ANK3: variants seen among roughly 807,000 people sequenced by gnomAD.
The protein encoded by ANK3 is ankyrin 3.
A neutral mutation model predicts 370.9 loss-of-function variants in ANK3; 57 were observed. The observed-to-expected ratio is 0.15, with a 90% CI of 0.12 to 0.19. The LOEUF (loss-of-function observed/expected upper bound fraction) is 0.19. ANK3 is among the 10% of genes least tolerant of loss of function. The pLI is 1.00. For synonymous variants in ANK3, 1,929 were observed against 1,946.3 expected (o/e 0.99, Z 0.23); for missense variants, 4,439 against 5,302.1 (o/e 0.84, Z 5.06).
intron 2 of ANK3, among the ~76,000 whole-genome samples, chr10:60,590,740 C>T (rs1480254320): frequency 1.3e-5 from 2 of 152,194 alleles, no homozygotes; most frequent in African/African-American, 4.8e-5. Context: ...CGCATATAAC[C>T]TACTCACATG....
intron 1 of ANK3, among the ~76,000 whole-genome samples, chr10:60,340,085 T>C (rs1727581584): frequency 6.6e-6 from 1 of 152,184 alleles, no homozygotes; most frequent in Non-Finnish European, 1.5e-5. Flanking sequence ...AAGAGGTACT[T>C]TTTAAAATTT....
At chr10:60,655,969 C>T (rs1176171602) in intron 1 of ANK3, among the ~76,000 whole-genome samples, 1 of 152,148 alleles carries the variant, frequency 6.6e-6, no homozygotes, top group Non-Finnish European at 1.5e-5. Context: ...CAGGCTATAC[C>T]ATACAGCCTA....
chr10:60,300,431 GC>G, intron 1 of ANK3: 1 of 1,288,824 alleles, frequency 7.8e-7, no homozygotes, highest in Non-Finnish European at 1.0e-6. Context: ...AAAAATATCT[GC>G]CTTCGGAAAT....
chr10:60,356,729 G>T (rs2057803451), intron 1 of ANK3, among the ~76,000 whole-genome samples: 1 of 152,164 alleles, frequency 6.6e-6, no homozygotes, highest in Admixed American at 6.5e-5. Flanking sequence ...ATTTCCTTGA[G>T]ATGGAGTCTC....
intron 28 of ANK3, among the ~76,000 whole-genome samples, chr10:60,100,290 G>C (rs4948386): frequency 0.99 from 132,486 of 134,088 alleles, 65,460 homozygotes; most frequent in Middle Eastern, 1. Context: ...TGGTTAAATT[G>C]TATTTTTATT....
intron 1 of ANK3, among the ~76,000 whole-genome samples, chr10:60,292,868 C>A (rs11813578): frequency 0.03 from 4,516 of 151,986 alleles, 180 homozygotes; most frequent in African/African-American, 0.091. Context: ...CAACCACGCC[C>A]GACTAATTTT....
chr10:60,425,609 C>T (rs1353283742), intron 2 of ANK3, among the ~76,000 whole-genome samples: 2 of 152,104 alleles, frequency 1.3e-5, no homozygotes, highest in African/African-American at 2.4e-5. Flanking sequence ...CCTGATGATA[C>T]AGCCATAATC....
intron 1 of ANK3, among the ~76,000 whole-genome samples, chr10:60,709,727 C>A (rs2133427737): frequency 6.6e-6 from 1 of 151,308 alleles, no homozygotes; most frequent in African/African-American, 2.4e-5. Flanking sequence ...ACTCAGGAGG[C>A]TGAGATGGGA....
chr10:60,173,151 A>AT lies in ANK3; in HGVS notation c.2219dup (p.Tyr740Ter). The AT allele has an allele frequency of 6.2e-7, 1 of 1,614,124 alleles. No homozygotes were observed. The highest frequency in any genetic ancestry group is 8.5e-7 in the Non-Finnish European group (1 of 1,179,980). Residue 740 changes from tyrosine (Y) to a stop codon, truncating the protein, a stop_gained and frameshift_variant, in exon 19 of 44, where the codon TAT becomes TAAT. Coordinates refer to ENST00000280772, the MANE Select transcript of ANK3 (RefSeq NM_020987.5). ...GGAAATTAACAATCTTGATATTTCC[A>AT]TAGTGGCAGCCCACATGCAGTGGTG... ...GYTPLHVGCH[Y>*]GNIKIVNFLL...
At chr10:60,244,181 A>G (rs2097519001) in intron 7 of ANK3, among the ~76,000 whole-genome samples, 1 of 152,216 alleles carries the variant, frequency 6.6e-6, no homozygotes, top group South Asian at 2.1e-4. Flanking sequence ...AACTGCCCAA[A>G]GTGAAATCAG....
intron 7 of ANK3, among the ~76,000 whole-genome samples, chr10:60,249,091 A>G (rs2097602267): frequency 6.6e-6 from 1 of 152,202 alleles, no homozygotes; most frequent in South Asian, 2.1e-4. Context: ...AGCTCAATCA[A>G]AAGTAGCCTG....
intron 1 of ANK3, among the ~76,000 whole-genome samples, chr10:60,294,667 T>G (rs1051134345): frequency 2.6e-5 from 4 of 152,144 alleles, no homozygotes; most frequent in Admixed American, 2.6e-4. Context: ...AAGTTCTTAT[T>G]TGAATGTATA....
intron 1 of ANK3, among the ~76,000 whole-genome samples, chr10:60,308,556 G>A (rs555177485): frequency 3.9e-5 from 6 of 152,216 alleles, no homozygotes; most frequent in South Asian, 4.1e-4. Flanking sequence ...GATTACAGAC[G>A]TGAACCACTG....
chr10:60,358,608 T>C (rs944817983), intron 1 of ANK3, among the ~76,000 whole-genome samples: 2 of 152,212 alleles, frequency 1.3e-5, no homozygotes, highest in Admixed American at 6.5e-5. Context: ...CTGTCTCATG[T>C]CTCAGATTTA....
rs539203711 is a variant in ANK3 at position 60,608,450 on chromosome 10, G to A, written c.96+6736C>T. On this transcript the variant is annotated intron_variant, in intron 2 of 43. Transcript: ENST00000373827. ...TTGGGAGATACAGACTAAGTAGTGA[G>A]TGATATGCATTATACTTTATTGTGA... Among the ~76,000 whole-genome samples, 76 of 152,228 alleles carry A rather than the reference G, an allele frequency of 5.0e-4. 1 individual carries two copies. The highest frequency in any genetic ancestry group is 1.8e-3 in the African/African-American group (74 of 41,548).
chr10:60,658,533 A>G (rs2078896043), intron 1 of ANK3, among the ~76,000 whole-genome samples: 1 of 152,066 alleles, frequency 6.6e-6, no homozygotes, highest in Admixed American at 6.6e-5. Flanking sequence ...TATATATTAT[A>G]AACCAGAGTT....
At chr10:60,692,904 A>C (rs1046354796) in intron 1 of ANK3, among the ~76,000 whole-genome samples, 18 of 152,316 alleles carry the variant, frequency 1.2e-4, no homozygotes, top group African/African-American at 4.3e-4. Context: ...AAAACAAAAA[A>C]ATTATTTTAT....
At chr10:60,614,870 G>T (rs889032175) in intron 2 of ANK3, among the ~76,000 whole-genome samples, 7 of 151,980 alleles carry the variant, frequency 4.6e-5, no homozygotes, top group Non-Finnish European at 8.8e-5. Flanking sequence ...GGGGGTCTTG[G>T]TTACTCTGTA....
chr10:60,214,023 C>A (rs1348081764), intron 8 of ANK3, among the ~76,000 whole-genome samples: 1 of 152,038 alleles, frequency 6.6e-6, no homozygotes, highest in East Asian at 1.9e-4. Flanking sequence ...CCTGACAATA[C>A]ATTCCTCTAA....
Sources: allele counts gnomAD v4.1 joint callset (sites outside exome capture counted in the v4.1 genomes callset), GRCh38; gene constraint gnomAD v4.1.1; transcripts MANE v1.5; gene names NCBI Gene and HGNC (gene_info 2026-07-23, HGNC 2026-07-21).